METTL24: variants seen among roughly 807,000 people sequenced by gnomAD.
The protein encoded by METTL24 is methyltransferase like 24, also known as probable methyltransferase-like protein 24.
A neutral mutation model predicts 32.7 loss-of-function variants in METTL24; 29 were observed. The observed-to-expected ratio is 0.89, with a 90% CI of 0.66 to 1.21. The LOEUF (loss-of-function observed/expected upper bound fraction) is 1.21. METTL24 is among the 50% of genes most tolerant of loss of function. The pLI is 0.00. For missense variants in METTL24, 439 were observed against 468.1 expected (o/e 0.94, Z 0.57); for synonymous variants, 163 against 179.5 (o/e 0.91, Z 0.73).
At chr6:110,275,063 T>G (rs1446518281) in intron 4 of METTL24, among the ~76,000 whole-genome samples, 2 of 151,812 alleles carry the variant, frequency 1.3e-5, no homozygotes, top group Non-Finnish European at 2.9e-5. Flanking sequence ...CCTCCCAAAG[T>G]GCCAGGATTA....
intron 3 of METTL24, among the ~76,000 whole-genome samples, chr6:110,302,441 A>ATATATACACATACACACACATATGTGTG (rs1562230653): frequency 7.9e-6 from 1 of 127,142 alleles, no homozygotes; most frequent in Non-Finnish European, 1.6e-5. Context: ...ACATATGTGT[A>ATATATACACATACACACACATATGTGTG]TATATACACA....
In METTL24 at chr6:110,302,506, CAT is replaced by C. The variant is rs1241598710; in HGVS notation, c.558-3358_558-3357del. Reference sequence around the variant, plus strand: ...ATACACACATATGTGTATATATACACATATACACACACATATGTGTATATATA... The same window carrying C: ...ATACACACATATGTGTATATATACACATACACACACATATGTGTATATATA... On this transcript the variant is annotated intron_variant, in intron 3 of 4. Coordinates refer to ENST00000338882, the MANE Select transcript of METTL24 (RefSeq NM_001123364.3). 3.6e-4 allele frequency among the ~76,000 whole-genome samples: 43 copies of C among 120,756 alleles called. 1 individual carries two copies. The highest frequency in any genetic ancestry group is 1.5e-3 in the African/African-American group (35 of 24,086). The allele number at this position is 120,756 out of a possible 152,430, so 79.2% of individuals were successfully genotyped here. A position where few individuals can be genotyped will look rare whatever the true frequency, so the allele number is the denominator to read the frequency against.
At chr6:110,293,001 TAAG>T (rs1771347098) in intron 4 of METTL24, among the ~76,000 whole-genome samples, 1 of 152,058 alleles carries the variant, frequency 6.6e-6, no homozygotes, top group Non-Finnish European at 1.5e-5. Context: ...TATAGTTGTA[TAAG>T]AAGATTTATT....
intron 3 of METTL24, 55 bp downstream of exon 3, chr6:110,315,287 T>C: frequency 6.2e-7 from 1 of 1,602,652 alleles, no homozygotes; most frequent in Non-Finnish European, 8.5e-7. Flanking sequence ...TGAAAAGGTC[T>C]GAGCTGCCTG....
At chr6:110,351,242 C>G (rs1217947856) in intron 1 of METTL24, among the ~76,000 whole-genome samples, 1 of 152,074 alleles carries the variant, frequency 6.6e-6, no homozygotes, top group Non-Finnish European at 1.5e-5. Context: ...TCAATGTCTT[C>G]ACAAATGACT....
chr6:110,311,320 G>A (rs1295691700), intron 3 of METTL24, among the ~76,000 whole-genome samples: 1 of 152,040 alleles, frequency 6.6e-6, no homozygotes, highest in Non-Finnish European at 1.5e-5. Flanking sequence ...CTAGGCGTCA[G>A]AAATATCTTC....
intron 1 of METTL24, among the ~76,000 whole-genome samples, chr6:110,333,103 T>C (rs759050569): frequency 1.6e-4 from 24 of 152,144 alleles, no homozygotes; most frequent in Admixed American, 1.0e-3. Context: ...AAACTCAGAA[T>C]CCTAAAAGTT....
Position 110,245,011 on chromosome 6 carries a change from A to C in METTL24, c.*935T>G, listed in dbSNP as rs1236202469. ...CTATCTATCTATCTATCATCTATCTATTTATCTACCTACCTACCTACAATG... is the reference window on the plus strand; with the variant it reads ...CTATCTATCTATCTATCATCTATCTCTTTATCTACCTACCTACCTACAATG... On this transcript the variant is annotated 3_prime_UTR_variant, in exon 5 of 5. Transcript: ENST00000338882. 6.6e-6 allele frequency among the ~76,000 whole-genome samples: 1 copy of C among 151,592 alleles called. No individual in the cohort carries two copies. The highest frequency in any genetic ancestry group is 1.5e-5 in the Non-Finnish European group (1 of 67,930).
At chr6:110,343,456 G>A (rs1403769120) in intron 1 of METTL24, among the ~76,000 whole-genome samples, 2 of 152,234 alleles carry the variant, frequency 1.3e-5, no homozygotes, top group East Asian at 3.9e-4. Context: ...GAGGAAAGGA[G>A]AAACAGGATT....
At chr6:110,290,168 C>T (rs1771293825) in intron 4 of METTL24, among the ~76,000 whole-genome samples, 1 of 151,956 alleles carries the variant, frequency 6.6e-6, no homozygotes, top group Admixed American at 6.6e-5. Context: ...CACCCCCCCT[C>T]AGCCTCCCAA....
At chr6:110,257,806 G>T (rs1295998814) in intron 4 of METTL24, among the ~76,000 whole-genome samples, 1 of 152,162 alleles carries the variant, frequency 6.6e-6, no homozygotes, top group African/African-American at 2.4e-5. Flanking sequence ...GGTAATCTTT[G>T]GCCTTGGAAG....
intron 4 of METTL24, among the ~76,000 whole-genome samples, chr6:110,250,602 G>A (rs923302754): frequency 2.0e-5 from 3 of 151,994 alleles, no homozygotes; most frequent in Non-Finnish European, 4.4e-5. Flanking sequence ...ATGTGTTTAG[G>A]AGCCAATTCC....
At chr6:110,249,407 A>G (rs1778231340) in intron 4 of METTL24, among the ~76,000 whole-genome samples, 1 of 151,974 alleles carries the variant, frequency 6.6e-6, no homozygotes, top group African/African-American at 2.4e-5. Flanking sequence ...TCAGAATTGT[A>G]TAAGTTGATC....
intron 4 of METTL24, among the ~76,000 whole-genome samples, chr6:110,248,364 G>A (rs1207642173): frequency 1.3e-5 from 2 of 152,132 alleles, no homozygotes; most frequent in African/African-American, 4.8e-5. Flanking sequence ...AAGAAAATGG[G>A]CTCTGTCCTG....
chr6:110,306,601 C>T (rs1417220336), intron 3 of METTL24, among the ~76,000 whole-genome samples: 1 of 151,960 alleles, frequency 6.6e-6, no homozygotes, highest in African/African-American at 2.4e-5. Context: ...TATACTTTTA[C>T]TATAATCTTA....
chr6:110,358,067 C>T lies in METTL24; in HGVS notation c.206G>A (p.Ser69Asn). ...GCGCACGTAGGTCACCTGCCTCCTG[C>T]TGGCGCCGCGCGGCTGGCCCGGCGC... ...PPAPGQPRGASRRQVTYVRSG... is the reference protein window; with the variant it reads ...PPAPGQPRGANRRQVTYVRSG... Residue 69 changes from serine to asparagine, a missense_variant, in exon 1 of 5, where the codon AGC becomes AAC. Ser to Asn is a conservative substitution (Grantham distance 46, BLOSUM62 1). Transcript: ENST00000338882. 9.8e-7 allele frequency: 1 copy of T among 1,024,976 alleles called. No homozygotes were observed. 63.5% of individuals were successfully genotyped at this position (1,024,976 alleles called of 1,614,324 possible). A position where few individuals can be genotyped will look rare whatever the true frequency, so the allele number is the denominator to read the frequency against.
At chr6:110,309,197 A>T (rs1771675109) in intron 3 of METTL24, among the ~76,000 whole-genome samples, 1 of 152,212 alleles carries the variant, frequency 6.6e-6, no homozygotes, top group Non-Finnish European at 1.5e-5. Flanking sequence ...TAACCCTCCC[A>T]TTGAAGGCAG....
At chr6:110,309,408 T>C (rs1428617441) in intron 3 of METTL24, among the ~76,000 whole-genome samples, 1 of 152,220 alleles carries the variant, frequency 6.6e-6, no homozygotes, top group African/African-American at 2.4e-5. Context: ...TATTTTTTAC[T>C]AAATAAACTT....
intron 1 of METTL24, among the ~76,000 whole-genome samples, chr6:110,343,029 G>T (rs969808857): frequency 2.0e-5 from 3 of 152,130 alleles, no homozygotes; most frequent in African/African-American, 7.2e-5. Context: ...GACAAGTTTT[G>T]TGTAAACATG....
Sources: gnomAD v4.1 joint callset for allele counts (sites outside exome capture counted in the v4.1 genomes callset) on GRCh38, gnomAD v4.1.1 for gene constraint, MANE v1.5 for transcripts, NCBI Gene and HGNC (gene_info 2026-07-23, HGNC 2026-07-21) for gene names.